The following PAX3 variants were observed in gnomAD, a reference collection of about 807,000 sequenced individuals.
PAX3 encodes the protein paired box 3, also known as paired box protein Pax-3.
In PAX3, 14 loss-of-function variants were observed where a neutral mutation model predicts 51.6. That is an observed-to-expected ratio of 0.27 (90% CI 0.18 to 0.42). The LOEUF is 0.42. PAX3 is among the 10% of genes least tolerant of loss of function. The probability of loss-of-function intolerance (pLI) is 1.00; values close to 1 mark genes in which losing one functional copy is unlikely to be tolerated. For missense variants in PAX3, 540 were observed against 642.8 expected (o/e 0.84, Z 1.73); for synonymous variants, 280 against 253.4 (o/e 1.11, Z -1.00).
chr2:222,209,487 A>G (rs1416158807), intron 7 of PAX3, among the ~76,000 whole-genome samples: 1 of 152,006 alleles, frequency 6.6e-6, no homozygotes. Flanking sequence ...AAGTCTAAGA[A>G]TGAACATACT....
intron 7 of PAX3, among the ~76,000 whole-genome samples, chr2:222,211,199 C>G (rs1432330423): frequency 6.6e-6 from 1 of 152,106 alleles, no homozygotes; most frequent in Non-Finnish European, 1.5e-5. Context: ...TAATGAAACC[C>G]TGTTGCAATA....
In PAX3 at chr2:222,247,948, T is replaced by C. The variant is rs908619165; in HGVS notation, c.587-15665A>G. Among the ~76,000 whole-genome samples, 4 of 152,298 alleles carry C rather than the reference T, an allele frequency of 2.6e-5. No homozygotes were observed. The East Asian group carries it at 7.7e-4, about 29-fold the overall frequency. Reference sequence around the variant, plus strand: ...TTGGATATTATCTTTGTTTTAAAAATGACATTGATAAAAGAACCTGCCCAA... The same window carrying C: ...TTGGATATTATCTTTGTTTTAAAAACGACATTGATAAAAGAACCTGCCCAA... On this transcript the variant is annotated intron_variant, in intron 4 of 8. Transcript: ENST00000392070.
intron 7 of PAX3, chr2:222,214,736 T>C (rs1399114192): frequency 2.0e-5 from 3 of 152,078 alleles, no homozygotes; most frequent in Non-Finnish European, 4.4e-5. Flanking sequence ...TTTATGAGAA[T>C]TTTTTCTTTC....
At chr2:222,224,732 C>G (rs1023037620) in intron 5 of PAX3, among the ~76,000 whole-genome samples, 13 of 152,098 alleles carry the variant, frequency 8.5e-5, no homozygotes, top group African/African-American at 3.1e-4. Flanking sequence ...ATCACTAATT[C>G]CTAACATACA....
chr2:222,212,155 A>G (rs370755528), intron 7 of PAX3, among the ~76,000 whole-genome samples: 1 of 152,220 alleles, frequency 6.6e-6, no homozygotes, highest in East Asian at 1.9e-4. Flanking sequence ...ACATTGAGCT[A>G]GAAGCATAGA....
At position 222,209,696 on chromosome 2, in the gene PAX3, C is replaced by CAAAAAA. The variant is rs546468709; in HGVS notation, c.1174-7512_1174-7507dup. Reference sequence around the variant, plus strand: ...TCAATACAGCAAAACTCTGTCTCTACAAAAAAAAAAAAAAAAAAAAAAAAA... The same window carrying CAAAAAA: ...TCAATACAGCAAAACTCTGTCTCTACAAAAAAAAAAAAAAAAAAAAAAAAAAAAAAA... On this transcript the variant is annotated intron_variant, in intron 7 of 8. Coordinates refer to ENST00000392070, the MANE Select transcript of PAX3 (RefSeq NM_181458.4). Among the ~76,000 whole-genome samples, 7 of 61,372 alleles carry CAAAAAA rather than the reference C, an allele frequency of 1.1e-4. 2 individuals carry two copies. The highest frequency in any genetic ancestry group is 3.3e-4 in the African/African-American group (5 of 15,232). The allele number at this position is 61,372 out of a possible 152,430, so 40.3% of individuals were successfully genotyped here. A position where few individuals can be genotyped will look rare whatever the true frequency, so the allele number is the denominator to read the frequency against.
Position 222,221,407 on chromosome 2 carries a change from T to A in PAX3, c.793-20A>T, listed in dbSNP as rs750682948. Reference sequence around the variant, plus strand: ...CCAGACCTATGGATTTAATTTAAAATTTAAGGATTTCACTGATGAAATAAT... The same window carrying A: ...CCAGACCTATGGATTTAATTTAAAAATTAAGGATTTCACTGATGAAATAAT... On this transcript the variant is annotated intron_variant, in intron 5 of 8. Coordinates refer to ENST00000392070, the MANE Select transcript of PAX3 (RefSeq NM_181458.4). 7.5e-6 allele frequency: 12 copies of A among 1,608,350 alleles called. 1 individual carries two copies. In the South Asian group the frequency reaches 1.2e-4, roughly 16 times the overall value.
At chr2:222,281,422 T>TC (rs1694641405) in intron 4 of PAX3, among the ~76,000 whole-genome samples, 1 of 152,208 alleles carries the variant, frequency 6.6e-6, no homozygotes, top group South Asian at 2.1e-4. Context: ...GGGGCTGCTC[T>TC]CCCCAGAAAA....
At chr2:222,236,461 T>G (rs141351413) in intron 4 of PAX3, among the ~76,000 whole-genome samples, 23 of 152,316 alleles carry the variant, frequency 1.5e-4, no homozygotes, top group Admixed American at 2.0e-4. Context: ...GAGGGCCATT[T>G]TTTTGGATTT....
chr2:222,201,905 T>C, intron 8 of PAX3, 39 bp downstream of exon 8: 7 of 1,614,024 alleles, frequency 4.3e-6, no homozygotes, highest in Non-Finnish European at 5.9e-6. Context: ...TTTATCTCCC[T>C]TCCAGGAGAA....
chr2:222,218,945 C>G (rs1692077932), intron 7 of PAX3, among the ~76,000 whole-genome samples: 1 of 152,160 alleles, frequency 6.6e-6, no homozygotes, highest in African/African-American at 2.4e-5. Flanking sequence ...CTTTTCAACT[C>G]CTCCGGCTTT....
At chr2:222,220,725 C>A (rs1483408383) in intron 6 of PAX3, among the ~76,000 whole-genome samples, 4 of 152,154 alleles carry the variant, frequency 2.6e-5, no homozygotes, top group African/African-American at 9.7e-5. Context: ...TTTAAAGCAC[C>A]TAAATATTTG....
intron 7 of PAX3, among the ~76,000 whole-genome samples, chr2:222,203,552 C>T (rs1691388955): frequency 6.6e-6 from 1 of 152,066 alleles, no homozygotes; most frequent in Admixed American, 6.6e-5. Context: ...ACTATAAGCC[C>T]TCATGCTAAC....
At chr2:222,253,715 A>C (rs963547374) in intron 4 of PAX3, among the ~76,000 whole-genome samples, 9 of 151,538 alleles carry the variant, frequency 5.9e-5, no homozygotes, top group African/African-American at 2.2e-4. Context: ...CAGTGTCATG[A>C]TCCTAGCTCA....
At chr2:222,221,458 G>A in intron 5 of PAX3, 71 bp from the exon 6 acceptor site, 1 of 1,399,686 alleles carries the variant, frequency 7.1e-7, no homozygotes, top group South Asian at 1.2e-5. Context: ...AATTTTTTAT[G>A]CTAAAACAGA....
chr2:222,260,591 GTTTTTTT>G (rs374339768), intron 4 of PAX3, among the ~76,000 whole-genome samples: 8 of 63,094 alleles, frequency 1.3e-4, no homozygotes, highest in East Asian at 5.1e-4. Context: ...TTTTTTTTTT[GTTTTTTT>G]TTTTTTTTTT....
At chr2:222,268,439 C>T (rs1694131269) in intron 4 of PAX3, among the ~76,000 whole-genome samples, 1 of 152,166 alleles carries the variant, frequency 6.6e-6, no homozygotes, top group Non-Finnish European at 1.5e-5. Flanking sequence ...AATATCCAAT[C>T]AACCCCCCCA....
chr2:222,209,897 A>C (rs1194301150), intron 7 of PAX3, among the ~76,000 whole-genome samples: 6 of 152,150 alleles, frequency 3.9e-5, no homozygotes, highest in African/African-American at 1.2e-4. Context: ...TCTCAAAAAA[A>C]ATTAAATTTA....
intron 4 of PAX3, among the ~76,000 whole-genome samples, chr2:222,259,427 C>T (rs371447465): frequency 1.7e-3 from 266 of 152,288 alleles, no homozygotes; most frequent in African/African-American, 6.1e-3. Flanking sequence ...AAGCACTTTA[C>T]AGGTAATACA....
Sources: allele counts gnomAD v4.1 joint callset (sites outside exome capture counted in the v4.1 genomes callset), GRCh38; gene constraint gnomAD v4.1.1; transcripts MANE v1.5; gene names NCBI Gene and HGNC (gene_info 2026-07-23, HGNC 2026-07-21).